The following MACO1 variants were observed in gnomAD, a reference collection of about 807,000 sequenced individuals.
MACO1 encodes the protein macoilin 1.
MACO1 carries 14 observed loss-of-function variants against 78.7 expected under a neutral mutation model. The ratio of observed to expected loss-of-function variants is 0.18; its 90% CI spans 0.12 to 0.28. MACO1 has a LOEUF of 0.28. Among genes scored for constraint, MACO1 ranks in the 10% least tolerant of loss-of-function variants. The probability of loss-of-function intolerance (pLI) is 1.00; values close to 1 mark genes in which losing one functional copy is unlikely to be tolerated. For missense variants in MACO1, 501 were observed against 799.0 expected (o/e 0.63, Z 4.50); for synonymous variants, 288 against 291.6 (o/e 0.99, Z 0.12).
chr1:25,454,438 ATGTG>A (rs71589767), intron 4 of MACO1, 56 bp downstream of exon 4: 10,952 of 257,652 alleles, frequency 0.043, 677 homozygotes, highest in African/African-American at 0.17. Context: ...ATGTATATAT[ATGTG>A]TGTGTGTGTG....
intron 6 of MACO1, among the ~76,000 whole-genome samples, chr1:25,464,904 C>G (rs992395786): frequency 2.6e-5 from 4 of 151,858 alleles, no homozygotes; most frequent in Non-Finnish European, 5.9e-5. Flanking sequence ...GAACTCCTGA[C>G]CTCAGGTGAT....
chr1:25,450,339 G>C (rs1470200614), intron 3 of MACO1, among the ~76,000 whole-genome samples: 1 of 152,050 alleles, frequency 6.6e-6, no homozygotes, highest in East Asian at 1.9e-4. Context: ...CTACTTCTTA[G>C]AGCTATACTT....
chr1:25,496,736 A>G (rs934110160), intron 10 of MACO1, among the ~76,000 whole-genome samples: 1 of 150,902 alleles, frequency 6.6e-6, no homozygotes, highest in Non-Finnish European at 1.5e-5. Flanking sequence ...GTCTGCCCTC[A>G]TGGAACTCAT....
At chr1:25,491,261 T>G (rs886469258) in intron 9 of MACO1, 149 bp from the exon 10 acceptor site, 1 of 923,310 alleles carries the variant, frequency 1.1e-6, no homozygotes, top group Admixed American at 2.7e-5. Flanking sequence ...TAAACACATT[T>G]AGCACTTGCC....
At chr1:25,492,483 C>G (rs2043495547) in intron 10 of MACO1, among the ~76,000 whole-genome samples, 1 of 151,842 alleles carries the variant, frequency 6.6e-6, no homozygotes, top group Non-Finnish European at 1.5e-5. Context: ...GAAAGCACTT[C>G]CGGGGAGGGG....
chr1:25,473,366 G>A (rs1204289243), intron 6 of MACO1, among the ~76,000 whole-genome samples: 2 of 152,118 alleles, frequency 1.3e-5, no homozygotes, highest in Admixed American at 6.5e-5. Flanking sequence ...GTGAATTTAA[G>A]CAAACAGTTT....
intron 10 of MACO1, among the ~76,000 whole-genome samples, chr1:25,495,579 C>A (rs576663199): frequency 4.8e-4 from 73 of 152,248 alleles, no homozygotes; most frequent in Middle Eastern, 3.4e-3. Context: ...TCAGGATATT[C>A]TAATAAGAAC....
At chr1:25,483,833 A>T (rs1442751746) in intron 6 of MACO1, among the ~76,000 whole-genome samples, 1 of 152,182 alleles carries the variant, frequency 6.6e-6, no homozygotes, top group Non-Finnish European at 1.5e-5. Flanking sequence ...TTTCTCCTTT[A>T]TCAGCAGCTC....
At chr1:25,452,289 C>G (rs2043073600) in intron 3 of MACO1, among the ~76,000 whole-genome samples, 1 of 152,174 alleles carries the variant, frequency 6.6e-6, no homozygotes, top group Non-Finnish European at 1.5e-5. Context: ...CCCATGTAGT[C>G]CACATTCATA....
At chr1:25,475,662 T>C (rs1291056413) in intron 6 of MACO1, among the ~76,000 whole-genome samples, 1 of 152,126 alleles carries the variant, frequency 6.6e-6, no homozygotes, top group Non-Finnish European at 1.5e-5. Flanking sequence ...TGTCAGTGAA[T>C]GCGGAACAGA....
intron 10 of MACO1, 76 bp from the exon 11 acceptor site, chr1:25,498,184 CTACT>C: frequency 1.4e-6 from 2 of 1,447,784 alleles, no homozygotes; most frequent in Non-Finnish European, 1.9e-6. Context: ...TGAACCGAAT[CTACT>C]TAGGGATTGG....
At chr1:25,462,701 A>G (rs1557666580) in intron 6 of MACO1, among the ~76,000 whole-genome samples, 1 of 112,822 alleles carries the variant, frequency 8.9e-6, no homozygotes, top group Non-Finnish European at 2.0e-5. Context: ...TTGGGGGGAA[A>G]ATTCATTACT....
At chr1:25,452,845 C>T (rs1571959902) in intron 3 of MACO1, among the ~76,000 whole-genome samples, 3 of 151,150 alleles carry the variant, frequency 2.0e-5, no homozygotes, top group Admixed American at 6.6e-5. Context: ...TACAGGTGTG[C>T]ACCACCATGC....
In MACO1 at chr1:25,446,743, TTA is replaced by T; in HGVS notation, c.81-17_81-16del. 1 of 1,582,326 alleles carries T rather than the reference TTA, an allele frequency of 6.3e-7. No individual in the cohort carries two copies. The highest frequency in any genetic ancestry group is 1.2e-5 in the South Asian group (1 of 85,818). Reference sequence around the variant, plus strand: ...TCACAAATGACCTTAAATTAATTCTTTATTTTTATATTTTGCAGTACATTTTT... The same window carrying T: ...TCACAAATGACCTTAAATTAATTCTTTTTTTATATTTTGCAGTACATTTTT... On this transcript the variant is annotated splice_polypyrimidine_tract_variant and intron_variant, in intron 1 of 10. Coordinates refer to ENST00000374343, the MANE Select transcript of MACO1 (RefSeq NM_018202.6).
intron 3 of MACO1, among the ~76,000 whole-genome samples, chr1:25,452,977 G>A (rs1164081930): frequency 6.8e-6 from 1 of 147,582 alleles, no homozygotes; most frequent in Non-Finnish European, 1.5e-5. Flanking sequence ...TTACAAGCAT[G>A]AGCCACCACG....
intron 1 of MACO1, among the ~76,000 whole-genome samples, chr1:25,437,925 AAAG>A (rs1206808294): frequency 6.6e-6 from 1 of 152,210 alleles, no homozygotes; most frequent in Non-Finnish European, 1.5e-5. Context: ...TGTGTCAAAA[AAAG>A]AGAATTGGCT....
intron 3 of MACO1, among the ~76,000 whole-genome samples, chr1:25,450,510 A>G (rs2043056187): frequency 6.6e-6 from 1 of 152,242 alleles, no homozygotes; most frequent in African/African-American, 2.4e-5. Flanking sequence ...TACAACCTGT[A>G]GGATTTTGAC....
chr1:25,475,836 T>C (rs915471660), intron 6 of MACO1, among the ~76,000 whole-genome samples: 2 of 152,240 alleles, frequency 1.3e-5, no homozygotes, highest in Admixed American at 6.5e-5. Context: ...TTTTACAAAA[T>C]TAAGCTCATA....
rs571921835 is a variant in MACO1 at position 25,432,281 on chromosome 1, C to T, written c.80+1103C>T. ...TCTTAACATAACTGTACACCTTGCACATGCTCTTGTTTACAGATGTGGAAT... is the reference window on the plus strand; with the variant it reads ...TCTTAACATAACTGTACACCTTGCATATGCTCTTGTTTACAGATGTGGAAT... On this transcript the variant is annotated intron_variant, in intron 1 of 10. Coordinates refer to ENST00000374343, the MANE Select transcript of MACO1 (RefSeq NM_018202.6). 9.8e-5 allele frequency among the ~76,000 whole-genome samples: 15 copies of T among 152,304 alleles called. 1 individual carries two copies. The South Asian group carries it at 2.5e-3, about 25-fold the overall frequency.
Sources: gnomAD v4.1 joint callset for allele counts (sites outside exome capture counted in the v4.1 genomes callset) on GRCh38, gnomAD v4.1.1 for gene constraint, MANE v1.5 for transcripts, NCBI Gene and HGNC (gene_info 2026-07-23, HGNC 2026-07-21) for gene names.